Variants in TSHZ3 observed in about 807,000 individuals in gnomAD.
TSHZ3 encodes teashirt homolog 3.
Under a neutral mutation model 64.5 loss-of-function variants are expected in TSHZ3, and 10 were observed. The observed-to-expected ratio is 0.16, with a 90% confidence interval of 0.10 to 0.26. The LOEUF is 0.26. Ranked by LOEUF, TSHZ3 falls within the 10% of genes least tolerant of loss-of-function variation. The probability of loss-of-function intolerance (pLI) is 1.00; values close to 1 mark genes in which losing one functional copy is unlikely to be tolerated. For missense variants in TSHZ3, 1,242 were observed against 1,421.7 expected (o/e 0.87, Z 2.03); for synonymous variants, 608 against 593.1 (o/e 1.03, Z -0.36).
intron 1 of TSHZ3, among the ~76,000 whole-genome samples, chr19:31,300,105 T>C (rs1362909989): frequency 6.6e-6 from 1 of 152,164 alleles, no homozygotes; most frequent in Non-Finnish European, 1.5e-5. Context: ...AGAAGGTGAA[T>C]GCATTACAAG....
At position 31,349,246 on chromosome 19, in the gene TSHZ3, C is replaced by A. The variant is rs2021621345; in HGVS notation, c.-27G>T. 2 of 1,426,930 alleles carry A rather than the reference C, an allele frequency of 1.4e-6. No homozygotes were observed. The highest frequency in any genetic ancestry group is 1.5e-5 in the African/African-American group (1 of 68,126). 88.4% of individuals were successfully genotyped at this position (1,426,930 alleles called of 1,614,324 possible). ...ATGCTTCTCCGGCGACTGCCACTGC[C>A]GCCGCCGCCGCCGCTGCCGGGCTGA... On this transcript the variant is annotated 5_prime_UTR_variant, in exon 1 of 2. Transcript: ENST00000240587.
chr19:31,315,532 C>A (rs1916575845), intron 1 of TSHZ3, among the ~76,000 whole-genome samples: 1 of 152,224 alleles, frequency 6.6e-6, no homozygotes, highest in Non-Finnish European at 1.5e-5. Flanking sequence ...TGCCAGGGAG[C>A]TGGGTGTGTG....
chr19:31,272,857 C>T (rs1976162319), downstream of TSHZ3, among the ~76,000 whole-genome samples: 2 of 152,136 alleles, frequency 1.3e-5, no homozygotes, highest in Non-Finnish European at 2.9e-5. Context: ...TCAGGGTCAC[C>T]CGCGCACCTG....
At chr19:31,244,263 C>T (rs1975731717) in intron 1 of TSHZ3, among the ~76,000 whole-genome samples, 1 of 152,006 alleles carries the variant, frequency 6.6e-6, no homozygotes, top group South Asian at 2.1e-4. Context: ...AGTGAGTGCT[C>T]ATTAGATCCG....
intron 1 of TSHZ3, among the ~76,000 whole-genome samples, chr19:31,257,809 C>T (rs1975931593): frequency 1.3e-5 from 2 of 152,166 alleles, no homozygotes; most frequent in Non-Finnish European, 2.9e-5. Context: ...TATAAAAAGG[C>T]TTGAGTCTGA....
intron 5 of TSHZ3, among the ~76,000 whole-genome samples, chr19:31,198,328 G>T (rs1300934798): frequency 6.6e-6 from 1 of 152,132 alleles, no homozygotes; most frequent in Non-Finnish European, 1.5e-5. Context: ...GACAGCTAAT[G>T]TCATAGTTAA....
At chr19:31,184,595 T>C (rs772328381) in intron 5 of TSHZ3, among the ~76,000 whole-genome samples, 21 of 152,204 alleles carry the variant, frequency 1.4e-4, no homozygotes, top group Non-Finnish European at 2.9e-4. Context: ...GTGTGAATAA[T>C]AGGGGAAAGA....
At chr19:31,189,753 T>C (rs1974872846) in intron 5 of TSHZ3, among the ~76,000 whole-genome samples, 1 of 152,116 alleles carries the variant, frequency 6.6e-6, no homozygotes, top group African/African-American at 2.4e-5. Flanking sequence ...GCCAAGTTGG[T>C]TAATATTGTT....
At chr19:31,281,722 T>A (rs1487608710) in intron 1 of TSHZ3, among the ~76,000 whole-genome samples, 1 of 152,142 alleles carries the variant, frequency 6.6e-6, no homozygotes, top group African/African-American at 2.4e-5. Context: ...TGTGAATGCA[T>A]GTGTTGGAAA....
Position 31,277,721 on chromosome 19 carries a change from C to T in TSHZ3, c.2072G>A (p.Gly691Asp). The change falls in exon 2 of 2, where the codon GGC becomes GAC. Residue 691 changes from glycine to aspartate, a missense_variant. Physicochemically the swap from Gly to Asp is moderately conservative, Grantham distance 94 (BLOSUM62 -1). Coordinates refer to ENST00000240587, the MANE Select transcript of TSHZ3 (RefSeq NM_020856.4). This position sits in a 1 kb window ranked among gnomAD's most constrained non-coding sequence, Gnocchi z 4.5. ...GGCTAGGGGCTTCACCAGCTCCTTGCCATTCTCCACCGGCTCAGCGAGGGG... is the reference window on the plus strand; with the variant it reads ...GGCTAGGGGCTTCACCAGCTCCTTGTCATTCTCCACCGGCTCAGCGAGGGG... Reference protein sequence around the residue: ...GSPLAEPVENGKELVKPLASS... With the variant: ...GSPLAEPVENDKELVKPLASS... The T allele has an allele frequency of 1.3e-6, 2 of 1,522,582 alleles. No homozygotes were observed. Among genetic ancestry groups the T allele is most frequent in the Non-Finnish European group, 1.8e-6 (2 of 1,137,446 alleles). 94.3% of individuals were successfully genotyped at this position (1,522,582 alleles called of 1,614,324 possible). A position where few individuals can be genotyped will look rare whatever the true frequency, so the allele number is the denominator to read the frequency against.
chr19:31,243,898 C>A (rs1037946637), intron 1 of TSHZ3, among the ~76,000 whole-genome samples: 7 of 152,122 alleles, frequency 4.6e-5, no homozygotes, highest in African/African-American at 1.7e-4. Flanking sequence ...GGGCGGTTTG[C>A]ACTGTGGTTG....
intron 1 of TSHZ3, among the ~76,000 whole-genome samples, chr19:31,322,703 G>A (rs555058001): frequency 3.3e-5 from 5 of 152,282 alleles, no homozygotes; most frequent in African/African-American, 1.2e-4. Context: ...TACAGGCATG[G>A]GCCACCATCC....
intron 1 of TSHZ3, among the ~76,000 whole-genome samples, chr19:31,267,045 G>A (rs531067629): frequency 6.6e-6 from 1 of 152,348 alleles, no homozygotes; most frequent in South Asian, 2.1e-4. Flanking sequence ...GCCCAATCGT[G>A]TTCTTCATTC....
intron 1 of TSHZ3, among the ~76,000 whole-genome samples, chr19:31,254,476 G>A (rs1975882900): frequency 6.6e-6 from 1 of 152,200 alleles, no homozygotes; most frequent in African/African-American, 2.4e-5. Context: ...CAATCCCCGG[G>A]GCTGAAATAT....
At chr19:31,289,281 A>T (rs976410559) in intron 1 of TSHZ3, among the ~76,000 whole-genome samples, 1 of 152,116 alleles carries the variant, frequency 6.6e-6, no homozygotes, top group Non-Finnish European at 1.5e-5. Context: ...ACCTCATCAC[A>T]AAAGGAGGAG....
intron 5 of TSHZ3, among the ~76,000 whole-genome samples, chr19:31,181,972 C>T (rs576032447): frequency 2.0e-5 from 3 of 152,242 alleles, no homozygotes; most frequent in Admixed American, 6.5e-5. Context: ...CTCTAGAGTC[C>T]GTGCTCCTGC....
At chr19:31,217,375 C>T (rs532965986) in intron 4 of TSHZ3, among the ~76,000 whole-genome samples, 2 of 152,058 alleles carry the variant, frequency 1.3e-5, no homozygotes, top group East Asian at 1.9e-4. Context: ...GGATGAAAGG[C>T]GAGAACTCCC....
At chr19:31,240,858 A>G (rs1484211220) in intron 3 of TSHZ3, among the ~76,000 whole-genome samples, 2 of 152,012 alleles carry the variant, frequency 1.3e-5, no homozygotes, top group Non-Finnish European at 2.9e-5. Flanking sequence ...CTGAATTTCC[A>G]TTCGGTTGAT....
intron 1 of TSHZ3, among the ~76,000 whole-genome samples, chr19:31,294,977 G>C (rs1454440601): frequency 6.6e-6 from 1 of 152,176 alleles, no homozygotes; most frequent in Non-Finnish European, 1.5e-5. Flanking sequence ...CTCTGACCCA[G>C]ATAGCAATCT....
Sources: allele counts gnomAD v4.1 joint callset (sites outside exome capture counted in the v4.1 genomes callset), GRCh38; gene constraint gnomAD v4.1.1; non-coding constraint Gnocchi (gnomAD v3.1); transcripts MANE v1.5; gene names NCBI Gene and HGNC (gene_info 2026-07-23, HGNC 2026-07-21).